ADGRL2: variants seen among roughly 807,000 people sequenced by gnomAD.
ADGRL2 encodes the protein adhesion G protein-coupled receptor L2.
In ADGRL2, 44 loss-of-function variants were observed where a neutral mutation model predicts 157.4. The ratio of observed to expected loss-of-function variants is 0.28; its 90% CI spans 0.22 to 0.36. ADGRL2 has a LOEUF of 0.36. Ranked by LOEUF, ADGRL2 falls within the 10% of genes least tolerant of loss-of-function variation. The pLI is 1.00. For synonymous variants in ADGRL2, 585 were observed against 624.7 expected (o/e 0.94, Z 0.95); for missense variants, 1,510 against 1,768.9 (o/e 0.85, Z 2.63).
intron 2 of ADGRL2, among the ~76,000 whole-genome samples, chr1:81,461,652 CTA>C (rs1479477274): frequency 6.6e-6 from 1 of 152,124 alleles, no homozygotes; most frequent in Non-Finnish European, 1.5e-5. Flanking sequence ...ACTTTAATAT[CTA>C]TACATACTTC....
chr1:81,694,733 G>T (rs1351080421), intron 3 of ADGRL2, among the ~76,000 whole-genome samples: 2 of 152,032 alleles, frequency 1.3e-5, no homozygotes, highest in African/African-American at 4.8e-5. Flanking sequence ...TTTCAGTGAG[G>T]TTCGTCTTCC....
chr1:81,327,816 C>T (rs938931420), intron 1 of ADGRL2, among the ~76,000 whole-genome samples: 1 of 152,066 alleles, frequency 6.6e-6, no homozygotes, highest in African/African-American at 2.4e-5. Flanking sequence ...AGTTGTGAAT[C>T]AATACTAAAT....
At chr1:81,552,644 A>AC (rs1237149432) in intron 2 of ADGRL2, among the ~76,000 whole-genome samples, 3 of 151,308 alleles carry the variant, frequency 2.0e-5, no homozygotes, top group Admixed American at 6.6e-5. Flanking sequence ...AAGAAAAAGA[A>AC]CCCCCCAAAA....
At chr1:81,637,421 G>A (rs1164123246) in intron 3 of ADGRL2, among the ~76,000 whole-genome samples, 1 of 152,242 alleles carries the variant, frequency 6.6e-6, no homozygotes, top group Admixed American at 6.5e-5. Context: ...AAACCATGTT[G>A]ACCTGGTTCC....
intron 2 of ADGRL2, among the ~76,000 whole-genome samples, chr1:81,445,721 C>A (rs760067222): frequency 5.9e-5 from 9 of 152,162 alleles, no homozygotes; most frequent in Non-Finnish European, 1.3e-4. Context: ...TGATTAAAAG[C>A]CTAGCCTTCA....
intron 3 of ADGRL2, among the ~76,000 whole-genome samples, chr1:81,644,932 T>C (rs911837355): frequency 1.3e-5 from 2 of 152,212 alleles, no homozygotes; most frequent in African/African-American, 4.8e-5. Context: ...CACATTCATA[T>C]ATTGTTGATA....
intron 2 of ADGRL2, among the ~76,000 whole-genome samples, chr1:81,478,882 T>A (rs1420023897): frequency 6.6e-6 from 1 of 152,116 alleles, no homozygotes; most frequent in Non-Finnish European, 1.5e-5. Context: ...AATGAGATGC[T>A]TACTAGATGC....
chr1:81,426,996 A>G (rs1184680625), intron 1 of ADGRL2: 1 of 912,032 alleles, frequency 1.1e-6, no homozygotes, highest in Non-Finnish European at 1.8e-6. Context: ...ACAGTTGATA[A>G]CATTGTTATT....
intron 3 of ADGRL2, among the ~76,000 whole-genome samples, chr1:81,652,809 C>A: frequency 6.6e-6 from 1 of 152,148 alleles, no homozygotes; most frequent in South Asian, 2.1e-4. Flanking sequence ...CTCTCCCTCT[C>A]CCCAGAGTGA....
chr1:81,779,156 G>A (rs1232071042), intron 2 of ADGRL2, among the ~76,000 whole-genome samples: 2 of 152,084 alleles, frequency 1.3e-5, no homozygotes, highest in Non-Finnish European at 2.9e-5. Flanking sequence ...ACAAATCAAA[G>A]TACCTGCATT....
intron 2 of ADGRL2, among the ~76,000 whole-genome samples, chr1:81,559,435 A>C (rs1240459801): frequency 6.6e-6 from 1 of 151,236 alleles, no homozygotes; most frequent in Non-Finnish European, 1.5e-5. Flanking sequence ...TGTGCCCAAT[A>C]AGCTATGCTC....
intron 3 of ADGRL2, among the ~76,000 whole-genome samples, chr1:81,684,217 C>T (rs2083182872): frequency 6.6e-6 from 1 of 152,192 alleles, no homozygotes; most frequent in Non-Finnish European, 1.5e-5. Context: ...ACTCTGTTTT[C>T]CACAGTGGCT....
At chr1:81,519,248 T>C (rs546596901) in intron 2 of ADGRL2, among the ~76,000 whole-genome samples, 2 of 152,202 alleles carry the variant, frequency 1.3e-5, no homozygotes, top group Non-Finnish European at 2.9e-5. Flanking sequence ...GTTGATTCTG[T>C]TTATGTGTAT....
At chr1:81,628,283 C>A (rs908026465) in intron 3 of ADGRL2, among the ~76,000 whole-genome samples, 1 of 152,124 alleles carries the variant, frequency 6.6e-6, no homozygotes, top group Non-Finnish European at 1.5e-5. Context: ...AGAGTGAGGA[C>A]ATCATTACTG....
At chr1:81,397,512 G>T (rs561125128) in intron 1 of ADGRL2, among the ~76,000 whole-genome samples, 16 of 151,782 alleles carry the variant, frequency 1.1e-4, no homozygotes, top group African/African-American at 3.9e-4. Context: ...GTAGAGACGG[G>T]GTTTCACTGT....
intron 2 of ADGRL2, among the ~76,000 whole-genome samples, chr1:81,880,429 C>T (rs970237530): frequency 3.3e-5 from 5 of 152,214 alleles, no homozygotes; most frequent in African/African-American, 1.2e-4. Context: ...TATTTTCCTC[C>T]TTAGCTTAAC....
chr1:81,381,250 A>G (rs2101049164), intron 1 of ADGRL2, among the ~76,000 whole-genome samples: 1 of 152,304 alleles, frequency 6.6e-6, no homozygotes, highest in Non-Finnish European at 1.5e-5. Flanking sequence ...AACTTTTCCC[A>G]AAATTTATAC....
intron 1 of ADGRL2, among the ~76,000 whole-genome samples, chr1:81,408,699 T>A (rs1259001471): frequency 8.0e-6 from 1 of 125,480 alleles, no homozygotes; most frequent in African/African-American, 3.0e-5. Flanking sequence ...AATTAATCTT[T>A]ACCTGCCCAA....
chr1:81,416,584 C>T (rs933871269), intron 1 of ADGRL2, among the ~76,000 whole-genome samples: 1 of 152,178 alleles, frequency 6.6e-6, no homozygotes, highest in South Asian at 2.1e-4. Flanking sequence ...TTAACGTTCA[C>T]ATTTTGCATC....
Sources: gnomAD v4.1 joint callset for allele counts (sites outside exome capture counted in the v4.1 genomes callset) on GRCh38, gnomAD v4.1.1 for gene constraint, MANE v1.5 for transcripts, NCBI Gene and HGNC (gene_info 2026-07-23, HGNC 2026-07-21) for gene names.